GPC5: variants seen among roughly 807,000 people sequenced by gnomAD.
GPC5 encodes the protein glypican 5.
GPC5 carries 47 observed loss-of-function variants against 53.9 expected under a neutral mutation model. The ratio of observed to expected loss-of-function variants is 0.87; its 90% CI spans 0.69 to 1.11. The LOEUF (loss-of-function observed/expected upper bound fraction) is 1.11, where lower values mean the gene tolerates loss of function less well. Among genes scored for constraint, GPC5 ranks in the 50% most tolerant of loss-of-function variants. The probability of loss-of-function intolerance (pLI) is 0.00; values close to 1 mark genes in which losing one functional copy is unlikely to be tolerated. For synonymous variants in GPC5, 286 were observed against 263.3 expected (o/e 1.09, Z -0.84); for missense variants, 748 against 713.1 (o/e 1.05, Z -0.56).
At chr13:92,285,666 G>T (rs2042948971) in intron 7 of GPC5, among the ~76,000 whole-genome samples, 1 of 152,170 alleles carries the variant, frequency 6.6e-6, no homozygotes, top group South Asian at 2.1e-4. Context: ...AATAAATGGT[G>T]CTGGGAAAAC....
Position 92,746,716 on chromosome 13 carries a change from G to C in GPC5, c.1562-119566G>C, listed in dbSNP as rs116873470. On this transcript the variant is annotated intron_variant, in intron 7 of 7. Coordinates refer to ENST00000377067, the MANE Select transcript of GPC5 (RefSeq NM_004466.6). Reference sequence around the variant, plus strand: ...AAGGACAACACAATATCCTGATGTGGGTAACATTCATGTAAACAAAGGTAT... The same window carrying C: ...AAGGACAACACAATATCCTGATGTGCGTAACATTCATGTAAACAAAGGTAT... 5.9e-5 allele frequency among the ~76,000 whole-genome samples: 9 copies of C among 152,032 alleles called. No homozygotes were observed. In the East Asian group the frequency reaches 1.7e-3, roughly 29 times the overall value.
At position 92,837,041 on chromosome 13, in the gene GPC5, A is replaced by G. The variant is rs141501834; in HGVS notation, c.1562-29241A>G. 4.7e-3 allele frequency among the ~76,000 whole-genome samples: 717 copies of G among 152,274 alleles called. 5 individuals are homozygous for G. Among genetic ancestry groups the G allele is most frequent in the African/African-American group, 0.016 (675 of 41,558 alleles). ...GGGAAAGAAATTCATATACCTAGGC[A>G]CATTATGGAAGAGACCTGATATCTA... On this transcript the variant is annotated intron_variant, in intron 7 of 7. Transcript: ENST00000377067.
At chr13:91,604,762 T>G (rs1378494740) in intron 2 of GPC5, among the ~76,000 whole-genome samples, 2 of 35,590 alleles carry the variant, frequency 5.6e-5, no homozygotes, top group Non-Finnish European at 9.8e-5. Flanking sequence ...TTTTGAGAAG[T>G]GTCTGTTCAT....
intron 7 of GPC5, among the ~76,000 whole-genome samples, chr13:92,401,574 G>T (rs1366485229): frequency 1.3e-5 from 2 of 151,986 alleles, no homozygotes; most frequent in East Asian, 3.9e-4. Context: ...TTATTTTGGT[G>T]TCCTGCAAAA....
At chr13:92,668,714 G>A (rs1886652593) in intron 7 of GPC5, among the ~76,000 whole-genome samples, 1 of 151,956 alleles carries the variant, frequency 6.6e-6, no homozygotes. Flanking sequence ...GCTTGAATAA[G>A]TCTGTGGTCT....
intron 7 of GPC5, among the ~76,000 whole-genome samples, chr13:92,208,298 G>A (rs1407789747): frequency 6.6e-6 from 1 of 152,158 alleles, no homozygotes; most frequent in African/African-American, 2.4e-5. Context: ...CCCCATATGG[G>A]TATCCATTTA....
At chr13:91,918,836 A>T (rs180863270) in intron 6 of GPC5, among the ~76,000 whole-genome samples, 6 of 151,934 alleles carry the variant, frequency 3.9e-5, no homozygotes, top group African/African-American at 1.5e-4. Context: ...TTTAAATGCT[A>T]TGTTTTTTCT....
At chr13:92,248,232 T>C (rs1056472792) in intron 7 of GPC5, among the ~76,000 whole-genome samples, 2 of 151,422 alleles carry the variant, frequency 1.3e-5, no homozygotes, top group African/African-American at 4.9e-5. Flanking sequence ...TTTAGCCCCA[T>C]AGGCTGAGGG....
intron 7 of GPC5, among the ~76,000 whole-genome samples, chr13:92,843,571 T>C (rs1245411302): frequency 6.6e-6 from 1 of 152,118 alleles, no homozygotes; most frequent in African/African-American, 2.4e-5. Context: ...ATAGCACATA[T>C]AAAAATAGCT....
chr13:91,937,157 A>G (rs2039878682), intron 6 of GPC5, among the ~76,000 whole-genome samples: 2 of 152,088 alleles, frequency 1.3e-5, no homozygotes, highest in African/African-American at 4.8e-5. Flanking sequence ...GACCCTTGAC[A>G]AAGAAGGCAG....
chr13:92,641,937 T>C (rs1256928908), intron 7 of GPC5, among the ~76,000 whole-genome samples: 4 of 151,956 alleles, frequency 2.6e-5, no homozygotes, highest in African/African-American at 9.6e-5. Context: ...ATCAATCAGA[T>C]AGACAGCTGA....
chr13:92,854,679 C>T (rs1029191069), intron 7 of GPC5, among the ~76,000 whole-genome samples: 1 of 151,970 alleles, frequency 6.6e-6, no homozygotes, highest in East Asian at 1.9e-4. Flanking sequence ...AAGAATGTAC[C>T]TTCACCGTAG....
chr13:91,900,068 T>C (rs189049907), intron 5 of GPC5, among the ~76,000 whole-genome samples: 1 of 152,272 alleles, frequency 6.6e-6, no homozygotes, highest in East Asian at 1.9e-4. Context: ...TTATCGTATC[T>C]TGCAAGTAAT....
chr13:91,898,646 A>G (rs1288572467), intron 5 of GPC5, among the ~76,000 whole-genome samples: 1 of 151,240 alleles, frequency 6.6e-6, no homozygotes, highest in Non-Finnish European at 1.5e-5. Flanking sequence ...GATCCTTTCC[A>G]GCTCTAAATT....
At chr13:91,666,430 A>G (rs1211511821) in intron 2 of GPC5, among the ~76,000 whole-genome samples, 1 of 152,208 alleles carries the variant, frequency 6.6e-6, no homozygotes, top group Non-Finnish European at 1.5e-5. Flanking sequence ...CTTGTGTCTC[A>G]TATAGTACTT....
intron 1 of GPC5, among the ~76,000 whole-genome samples, chr13:91,420,876 T>C (rs1045764348): frequency 6.6e-6 from 1 of 152,360 alleles, no homozygotes; most frequent in East Asian, 1.9e-4. Flanking sequence ...CCCAGCCATG[T>C]GGAACTGTGA....
intron 7 of GPC5, among the ~76,000 whole-genome samples, chr13:92,739,199 AAAAT>A (rs1315669179): frequency 6.6e-6 from 1 of 152,132 alleles, no homozygotes; most frequent in Admixed American, 6.6e-5. Context: ...TGATACACAT[AAAAT>A]AAATTCAAGA....
At chr13:91,789,397 T>A (rs2037928290) in intron 5 of GPC5, among the ~76,000 whole-genome samples, 1 of 152,186 alleles carries the variant, frequency 6.6e-6, no homozygotes, top group South Asian at 2.1e-4. Context: ...GTATGGCTGC[T>A]CAATAGCTCT....
At chr13:92,578,992 G>A (rs943581882) in intron 7 of GPC5, among the ~76,000 whole-genome samples, 1 of 152,118 alleles carries the variant, frequency 6.6e-6, no homozygotes, top group Non-Finnish European at 1.5e-5. Context: ...TGGGTCAACA[G>A]TCATGTAGGA....
Sources: gnomAD v4.1 joint callset for allele counts (sites outside exome capture counted in the v4.1 genomes callset) on GRCh38, gnomAD v4.1.1 for gene constraint, MANE v1.5 for transcripts, NCBI Gene and HGNC (gene_info 2026-07-23, HGNC 2026-07-21) for gene names.